Variants in TNFRSF19 observed in about 807,000 individuals in gnomAD.
The protein encoded by TNFRSF19 is TNF receptor superfamily member 19.
In TNFRSF19, 27 loss-of-function variants were observed where a neutral mutation model predicts 46.4. That is an observed-to-expected ratio of 0.58 (90% confidence interval 0.43 to 0.80). TNFRSF19 has a LOEUF of 0.80. Ranked by LOEUF, TNFRSF19 falls within the 30% of genes least tolerant of loss-of-function variation. TNFRSF19 has a pLI of 0.00. For missense variants in TNFRSF19, 511 were observed against 530.8 expected (o/e 0.96, Z 0.37); for synonymous variants, 204 against 205.0 (o/e 1.00, Z 0.04).
chr13:23,668,834 G>A lies in TNFRSF19; in HGVS notation c.982G>A (p.Glu328Lys). ...CATCTCTTTTTGTGACTCTTATCCT[G>A]AACTCACTGGAGAAGACATTCATTC... The part of the protein sequence containing the change: ...DNISFCDSYP[E>K]LTGEDIHSLN... Residue 328 changes from glutamate to lysine, a missense_variant, in exon 9 of 10, where the codon GAA becomes AAA. Around this residue, in one of 3 missense-constraint regions of TNFRSF19, gnomAD observed 376 missense variants for 372.7 expected, o/e 1.01. Coordinates refer to ENST00000248484, the MANE Select transcript of TNFRSF19 (RefSeq NM_148957.4). The A allele has an allele frequency of 6.2e-7, 1 of 1,614,192 alleles. No homozygotes were observed. Among genetic ancestry groups the A allele is most frequent in the Non-Finnish European group, 8.5e-7 (1 of 1,180,038 alleles).
At chr13:23,651,639 G>T (rs2138366391) in intron 5 of TNFRSF19, among the ~76,000 whole-genome samples, 1 of 152,140 alleles carries the variant, frequency 6.6e-6, no homozygotes, top group East Asian at 1.9e-4. Context: ...CACATAAAAT[G>T]AAGTTTATAA....
rs1330214636 is a variant in TNFRSF19, at chr13:23,570,422, G to T, written c.-461G>T. ...GCAGAACCCGCTGGCACTAGGAAAA[G>T]CTTCCAACACACAGTCCACAACACA... On this transcript the variant is annotated 5_prime_UTR_variant, in exon 1 of 10. Coordinates refer to ENST00000248484, the MANE Select transcript of TNFRSF19 (RefSeq NM_148957.4). 6.6e-6 allele frequency: 1 copy of T among 152,280 alleles called. No individual in the cohort carries two copies. The highest frequency in any genetic ancestry group is 1.5e-5 in the Non-Finnish European group (1 of 68,124). 9.4% of individuals were successfully genotyped at this position (152,280 alleles called of 1,614,324 possible). A position where few individuals can be genotyped will look rare whatever the true frequency, so the allele number is the denominator to read the frequency against.
At chr13:23,663,384 T>C (rs1395128602) in intron 7 of TNFRSF19, among the ~76,000 whole-genome samples, 1 of 152,310 alleles carries the variant, frequency 6.6e-6, no homozygotes, top group East Asian at 1.9e-4. Context: ...CGTGGTGGAT[T>C]AGCTTTTTTG....
chr13:23,673,287 G>A, intron 9 of TNFRSF19, 85 bp from the exon 10 acceptor site: 1 of 1,440,622 alleles, frequency 6.9e-7, no homozygotes, highest in African/African-American at 1.4e-5. Flanking sequence ...TAAAAGTTAT[G>A]CATAATAATT....
rs574408686 is a variant in TNFRSF19 at position 23,642,130 on chromosome 13, A to G, written c.445+15338A>G. 3.3e-5 allele frequency among the ~76,000 whole-genome samples: 5 copies of G among 152,358 alleles called. No homozygotes were observed. The East Asian group carries it at 9.7e-4, about 29-fold the overall frequency. On this transcript the variant is annotated intron_variant, in intron 5 of 9. Transcript: ENST00000248484. ...TGTCTATGTCTTTTATAAGAAAGAAATCTGAACTTCTGGAAAAGATTATTT... is the reference window on the plus strand; with the variant it reads ...TGTCTATGTCTTTTATAAGAAAGAAGTCTGAACTTCTGGAAAAGATTATTT...
At position 23,631,737 on chromosome 13, in the gene TNFRSF19, G is replaced by A. The variant is rs999692857; in HGVS notation, c.445+4945G>A. 1.1e-4 allele frequency among the ~76,000 whole-genome samples: 16 copies of A among 152,318 alleles called. No homozygotes were observed. The South Asian group carries it at 1.2e-3, about 12-fold the overall frequency. On this transcript the variant is annotated intron_variant, in intron 5 of 9. Transcript: ENST00000248484. ...AAATCAATACAGGTTTCCTTTAAAG[G>A]AGAAGGAAGAGGAGGGAGTCTGGGA...
chr13:23,660,383 A>T lies in TNFRSF19; in HGVS notation c.629A>T (p.Asp210Val), dbSNP rs544543906. Reference protein sequence around the residue: ...KKPSWSLRSQDIQYNGSELSC... With the variant: ...KKPSWSLRSQVIQYNGSELSC... ...CATTTAGGGTCTCTGCGGTCACAGG[A>T]CATTCAGTACAACGGCTCTGAGCTG... Residue 210 changes from aspartate to valine, a missense_variant, in exon 7 of 10, where the codon GAC (aspartate) becomes GTC (valine). By Grantham distance (152) the Asp-to-Val change is radical. Coordinates refer to ENST00000248484, the MANE Select transcript of TNFRSF19 (RefSeq NM_148957.4). The T allele has an allele frequency of 3.1e-6, 5 of 1,613,898 alleles. No homozygotes were observed. In the South Asian group the frequency reaches 5.5e-5, roughly 18 times the overall value.
intron 5 of TNFRSF19, among the ~76,000 whole-genome samples, chr13:23,655,094 A>G (rs1329880594): frequency 1.3e-5 from 2 of 152,090 alleles, no homozygotes; most frequent in African/African-American, 4.8e-5. Flanking sequence ...ACCTTGGTCT[A>G]CTCCAAAGAA....
At chr13:23,580,182 C>T (rs1878310161) in intron 1 of TNFRSF19, among the ~76,000 whole-genome samples, 2 of 152,178 alleles carry the variant, frequency 1.3e-5, no homozygotes, top group South Asian at 4.1e-4. Flanking sequence ...TCAAGTTTGG[C>T]GGATCAAAAT....
chr13:23,660,522 A>G (rs1350039821), intron 7 of TNFRSF19, 32 bp downstream of exon 7: 2 of 1,606,446 alleles, frequency 1.2e-6, no homozygotes, highest in Non-Finnish European at 1.7e-6. Context: ...CGTTAGGAGG[A>G]CTGGAGGTAC....
chr13:23,639,899 T>C (rs1162114760), intron 5 of TNFRSF19, among the ~76,000 whole-genome samples: 1 of 152,254 alleles, frequency 6.6e-6, no homozygotes, highest in African/African-American at 2.4e-5. Context: ...AAGGACTTAT[T>C]GTTGCAGTCA....
intron 3 of TNFRSF19, among the ~76,000 whole-genome samples, chr13:23,614,587 C>A (rs536024885): frequency 1.3e-5 from 2 of 152,210 alleles, no homozygotes; most frequent in African/African-American, 4.8e-5. Context: ...CATTTGTGGG[C>A]ATGCCCAGCC....
At position 23,603,398 on chromosome 13, in the gene TNFRSF19, TGAA is replaced by T. The variant is rs569857488; in HGVS notation, c.180+9950_180+9952del. ...ATTTACTGGTGAATTCTACCAAAAATGAAGAAGAAATTATACTCATTATCCACA... is the reference window on the plus strand; with the variant it reads ...ATTTACTGGTGAATTCTACCAAAAATGAAGAAATTATACTCATTATCCACA... On this transcript the variant is annotated intron_variant, in intron 3 of 9. Coordinates refer to ENST00000248484, the MANE Select transcript of TNFRSF19 (RefSeq NM_148957.4). 3.8e-4 allele frequency among the ~76,000 whole-genome samples: 58 copies of T among 152,104 alleles called. 1 individual carries two copies. In the East Asian group the frequency reaches 0.011, roughly 29 times the overall value.
At chr13:23,622,622 C>A (rs934939197) in intron 4 of TNFRSF19, among the ~76,000 whole-genome samples, 1 of 152,088 alleles carries the variant, frequency 6.6e-6, no homozygotes, top group African/African-American at 2.4e-5. Flanking sequence ...TAAGTAGTGT[C>A]TATGCTTGAT....
intron 5 of TNFRSF19, among the ~76,000 whole-genome samples, chr13:23,647,601 G>A (rs1883409305): frequency 6.6e-6 from 1 of 152,032 alleles, no homozygotes; most frequent in Non-Finnish European, 1.5e-5. Flanking sequence ...TTCTTGCAAT[G>A]TTGCCCAGGC....
At chr13:23,606,654 A>G (rs1207251604) in intron 3 of TNFRSF19, among the ~76,000 whole-genome samples, 1 of 152,252 alleles carries the variant, frequency 6.6e-6, no homozygotes, top group Non-Finnish European at 1.5e-5. Flanking sequence ...GAATTTGTGT[A>G]TATGTTATAA....
intron 4 of TNFRSF19, among the ~76,000 whole-genome samples, chr13:23,616,560 T>TTTTGTTTG (rs35916122): frequency 6.7e-6 from 1 of 148,932 alleles, no homozygotes; most frequent in African/African-American, 2.5e-5. Flanking sequence ...TTCTTATAGG[T>TTTTGTTTG]TTTGTTTGTT....
intron 7 of TNFRSF19, among the ~76,000 whole-genome samples, chr13:23,661,256 A>G (rs1028475678): frequency 5.3e-5 from 8 of 152,136 alleles, no homozygotes; most frequent in Admixed American, 4.6e-4. Flanking sequence ...ATGTGTTCTC[A>G]TCATTTAGCT....
In TNFRSF19 at chr13:23,659,325, T is replaced by C; in HGVS notation, c.610+111T>C. On this transcript the variant is annotated intron_variant, in intron 6 of 9. Coordinates refer to ENST00000248484, the MANE Select transcript of TNFRSF19 (RefSeq NM_148957.4). This position sits in a 1 kb window ranked among gnomAD's most constrained non-coding sequence, Gnocchi z 4.9. ...GGCTGAGACAAGCACCAGTGAGTTG[T>C]GAAAGAACGCAGGGCACAAGAAACA... The C allele has an allele frequency of 8.2e-7, 1 of 1,218,788 alleles. No individual in the cohort carries two copies. The highest frequency in any genetic ancestry group is 1.1e-6 in the Non-Finnish European group (1 of 878,346). 75.5% of individuals were successfully genotyped at this position (1,218,788 alleles called of 1,614,324 possible). A position where few individuals can be genotyped will look rare whatever the true frequency, so the allele number is the denominator to read the frequency against.
Sources: allele counts gnomAD v4.1 joint callset (sites outside exome capture counted in the v4.1 genomes callset), GRCh38; gene constraint gnomAD v4.1.1; regional missense constraint gnomAD v4.1.1; non-coding constraint Gnocchi (gnomAD v3.1); transcripts MANE v1.5; gene names NCBI Gene and HGNC (gene_info 2026-07-23, HGNC 2026-07-21).